The following JAZF1 variants were observed in gnomAD, a reference collection of about 807,000 sequenced individuals.
The protein encoded by JAZF1 is JAZF zinc finger 1, also known as juxtaposed with another zinc finger protein 1.
Under a neutral mutation model 26.4 loss-of-function variants are expected in JAZF1, and 8 were observed. That is an observed-to-expected ratio of 0.30 (90% CI 0.18 to 0.55). The LOEUF is 0.55. JAZF1 is among the 20% of genes least tolerant of loss of function. The pLI, the probability that JAZF1 is intolerant of heterozygous loss-of-function variation, is 0.94. For missense variants in JAZF1, 199 were observed against 322.0 expected, an observed-to-expected ratio of 0.62 and a Z score of 2.92; for synonymous variants, 126 against 122.3, an observed-to-expected ratio of 1.03 and a Z score of -0.20.
chr7:28,167,231 C>T (rs761589529), intron 1 of JAZF1, among the ~76,000 whole-genome samples: 14 of 152,280 alleles, frequency 9.2e-5, no homozygotes, highest in African/African-American at 2.2e-4. Context: ...CATGCATAAC[C>T]GCTTCACAGT....
intron 2 of JAZF1, among the ~76,000 whole-genome samples, chr7:27,974,901 T>C (rs1450114582): frequency 1.3e-5 from 2 of 151,550 alleles, no homozygotes; most frequent in African/African-American, 4.8e-5. Context: ...TTTTTTTTTT[T>C]TGAGATGGAG....
At chr7:28,005,551 C>T (rs1782686106) in intron 1 of JAZF1, among the ~76,000 whole-genome samples, 1 of 152,184 alleles carries the variant, frequency 6.6e-6, no homozygotes, top group African/African-American at 2.4e-5. Context: ...GTCCAAGAGG[C>T]TCTGCCAGGC....
intron 2 of JAZF1, among the ~76,000 whole-genome samples, chr7:27,958,926 A>G (rs1252089722): frequency 6.6e-6 from 1 of 152,156 alleles, no homozygotes; most frequent in Non-Finnish European, 1.5e-5. Flanking sequence ...TAATAGCGGT[A>G]ATTGGTTTTA....
chr7:27,932,898 G>A (rs968685500), intron 2 of JAZF1, among the ~76,000 whole-genome samples: 4 of 152,084 alleles, frequency 2.6e-5, no homozygotes, highest in Non-Finnish European at 5.9e-5. Context: ...GCTTCTTTAG[G>A]ATGTTTTTGA....
At chr7:28,160,816 A>C (rs1562607837) in intron 1 of JAZF1, among the ~76,000 whole-genome samples, 1 of 152,190 alleles carries the variant, frequency 6.6e-6, no homozygotes, top group Non-Finnish European at 1.5e-5. Flanking sequence ...CAAGATATGG[A>C]CCTTTATGGC....
intron 1 of JAZF1, among the ~76,000 whole-genome samples, chr7:28,127,932 T>C (rs1782723332): frequency 6.6e-6 from 1 of 152,020 alleles, no homozygotes; most frequent in Non-Finnish European, 1.5e-5. Flanking sequence ...GATTCAATCA[T>C]CTCCCACTGG....
At chr7:28,179,408 C>T (rs918713865) in intron 1 of JAZF1, among the ~76,000 whole-genome samples, 1 of 152,190 alleles carries the variant, frequency 6.6e-6, no homozygotes, top group African/African-American at 2.4e-5. Context: ...AAGCAGCCAC[C>T]CTGCGGGGCG....
rs566113712 is a variant in JAZF1 at position 28,143,863 on chromosome 7, T to A, written c.115+36600A>T. ...AGCCAGGTCATGTTTATTATTTTATTATCTGTCTTTCCTCTTAAAATGTAA... is the reference window on the plus strand; with the variant it reads ...AGCCAGGTCATGTTTATTATTTTATAATCTGTCTTTCCTCTTAAAATGTAA... On this transcript the variant is annotated intron_variant, in intron 1 of 4. Coordinates refer to ENST00000283928, the MANE Select transcript of JAZF1 (RefSeq NM_175061.4). 8.5e-5 allele frequency among the ~76,000 whole-genome samples: 13 copies of A among 152,366 alleles called. No homozygotes were observed. In the South Asian group the frequency reaches 2.7e-3, roughly 32 times the overall value.
chr7:28,087,812 T>TTGTTTCC (rs1784233470), intron 1 of JAZF1, among the ~76,000 whole-genome samples: 1 of 152,234 alleles, frequency 6.6e-6, no homozygotes, highest in Non-Finnish European at 1.5e-5. Context: ...AGATTTATCT[T>TTGTTTCC]TGTTTCCTTC....
intron 1 of JAZF1, among the ~76,000 whole-genome samples, chr7:28,108,465 C>G (rs1466984563): frequency 2.0e-5 from 3 of 152,188 alleles, no homozygotes; most frequent in Non-Finnish European, 4.4e-5. Flanking sequence ...TGTCTTTACT[C>G]TTCCCTGCCA....
intron 2 of JAZF1, among the ~76,000 whole-genome samples, chr7:27,929,561 G>GT (rs1192544537): frequency 6.6e-6 from 1 of 152,224 alleles, no homozygotes; most frequent in Non-Finnish European, 1.5e-5. Flanking sequence ...GTAAGCAGAA[G>GT]TTTGTAGGTA....
chr7:27,999,822 G>A (rs1400855630), intron 1 of JAZF1, among the ~76,000 whole-genome samples: 2 of 152,190 alleles, frequency 1.3e-5, no homozygotes, highest in African/African-American at 4.8e-5. Context: ...CTGCCTTGGA[G>A]AGTCAGGCAA....
At chr7:27,982,204 G>A (rs1222213429) in intron 2 of JAZF1, among the ~76,000 whole-genome samples, 2 of 152,220 alleles carry the variant, frequency 1.3e-5, no homozygotes, top group Non-Finnish European at 2.9e-5. Context: ...TCCTAGCAAA[G>A]GGAAGCCATG....
At chr7:28,136,927 G>A (rs1041279181) in intron 1 of JAZF1, among the ~76,000 whole-genome samples, 12 of 152,194 alleles carry the variant, frequency 7.9e-5, no homozygotes, top group Non-Finnish European at 1.5e-4. Flanking sequence ...GTGTTCACAC[G>A]GGAGGCTCGC....
intron 1 of JAZF1, among the ~76,000 whole-genome samples, chr7:28,049,022 T>TCCCC (rs1783544831): frequency 1.8e-5 from 1 of 55,248 alleles, no homozygotes; most frequent in African/African-American, 8.3e-5. Flanking sequence ...CCTCCCTCCC[T>TCCCC]TCCCTTCCCC....
chr7:28,095,039 G>T (rs1468397497), intron 1 of JAZF1, among the ~76,000 whole-genome samples: 1 of 151,954 alleles, frequency 6.6e-6, no homozygotes, highest in Non-Finnish European at 1.5e-5. Context: ...GTACCCCAAG[G>T]GTGTGCCATC....
chr7:27,941,108 C>A (rs1784839899), intron 2 of JAZF1, among the ~76,000 whole-genome samples: 1 of 152,196 alleles, frequency 6.6e-6, no homozygotes, highest in African/African-American at 2.4e-5. Flanking sequence ...TCAAGATGCA[C>A]AATTTCTGTT....
intron 3 of JAZF1, among the ~76,000 whole-genome samples, chr7:27,879,666 G>A (rs1259054706): frequency 6.6e-6 from 1 of 152,008 alleles, no homozygotes; most frequent in Non-Finnish European, 1.5e-5. Flanking sequence ...TCATGATCAC[G>A]CCTCAAAAAC....
At chr7:27,845,696 C>CAAAAAAAA (rs796643520) in intron 3 of JAZF1, among the ~76,000 whole-genome samples, 5 of 51,118 alleles carry the variant, frequency 9.8e-5, no homozygotes, top group African/African-American at 4.1e-4. Context: ...GACTCTGCCT[C>CAAAAAAAA]AAAAAAAAAA....
Sources: gnomAD v4.1 joint callset for allele counts (sites outside exome capture counted in the v4.1 genomes callset) on GRCh38, gnomAD v4.1.1 for gene constraint, MANE v1.5 for transcripts, NCBI Gene and HGNC (gene_info 2026-07-23, HGNC 2026-07-21) for gene names.